CGNL1: variants seen among roughly 807,000 people sequenced by gnomAD.
The protein encoded by CGNL1 is cingulin like 1.
A neutral mutation model predicts 141.2 loss-of-function variants in CGNL1; 132 were observed. The ratio of observed to expected loss-of-function variants is 0.93; its 90% CI spans 0.81 to 1.08. The LOEUF is 1.08. CGNL1 is among the 50% of genes least tolerant of loss of function. CGNL1 has a pLI of 0.00. For synonymous variants in CGNL1, 690 were observed against 622.1 expected (o/e 1.11, Z -1.63); for missense variants, 1,870 against 1,588.6 (o/e 1.18, Z -3.01).
chr15:57,543,648 A>G, intron 14 of CGNL1, 48 bp from the exon 15 acceptor site: 1 of 1,498,412 alleles, frequency 6.7e-7, no homozygotes, highest in Non-Finnish European at 9.3e-7. Flanking sequence ...TACAAAAGAT[A>G]CAGGAACAGT....
At chr15:57,527,109 A>G (rs1355145474) in intron 12 of CGNL1, 4 of 152,108 alleles carry the variant, frequency 2.6e-5, no homozygotes, top group Non-Finnish European at 4.4e-5. Context: ...GTATCCAGAA[A>G]ATGTCCCATC....
chr15:57,376,939 A>T (rs1369766941), intron 1 of CGNL1: 1 of 152,202 alleles, frequency 6.6e-6, no homozygotes, highest in Non-Finnish European at 1.5e-5. Flanking sequence ...GGAGAGACTC[A>T]CACGAAGCAG....
chr15:57,517,216 A>C (rs1434368356), intron 9 of CGNL1, among the ~76,000 whole-genome samples: 3 of 152,194 alleles, frequency 2.0e-5, no homozygotes, highest in African/African-American at 7.2e-5. Flanking sequence ...AGGTCTAGGC[A>C]CAGGAATCCC....
At chr15:57,443,373 C>G (rs2152312584) in intron 4 of CGNL1, among the ~76,000 whole-genome samples, 1 of 152,214 alleles carries the variant, frequency 6.6e-6, no homozygotes, top group East Asian at 1.9e-4. Context: ...CCTCAATCTT[C>G]CACCGCCTTG....
At chr15:57,546,305 C>G in intron 18 of CGNL1, 66 bp downstream of exon 18, 1 of 1,474,986 alleles carries the variant, frequency 6.8e-7, no homozygotes, top group Non-Finnish European at 9.1e-7. Flanking sequence ...GCTCTGCTTT[C>G]AGAGCATTCA....
intron 1 of CGNL1, among the ~76,000 whole-genome samples, chr15:57,377,588 C>G (rs1219013188): frequency 1.3e-5 from 2 of 152,206 alleles, no homozygotes; most frequent in Non-Finnish European, 2.9e-5. Flanking sequence ...ATCCACCTCT[C>G]CACCTGAAGA....
At position 57,517,056 on chromosome 15, in the gene CGNL1, A is replaced by G. The variant is rs16977563; in HGVS notation, c.2610+70A>G. 12,311 of 1,430,808 alleles carry G rather than the reference A, an allele frequency of 8.6e-3. 919 individuals carry two copies. In the African/African-American group the frequency reaches 0.15, roughly 18 times the overall value. 88.6% of individuals were successfully genotyped at this position (1,430,808 alleles called of 1,614,324 possible). ...CTTCTTTCCTGTGTAAGTGATTTCA[A>G]AAGTGGGGAAGGGATTTATTGTCAT... On this transcript the variant is annotated intron_variant, in intron 9 of 18. Coordinates refer to ENST00000281282, the MANE Select transcript of CGNL1 (RefSeq NM_032866.5).
chr15:57,394,697 C>T (rs555962408), intron 1 of CGNL1, among the ~76,000 whole-genome samples: 3 of 152,226 alleles, frequency 2.0e-5, no homozygotes, highest in Non-Finnish European at 2.9e-5. Flanking sequence ...ATTTCTGACC[C>T]TGCTTAGTGT....
intron 1 of CGNL1, among the ~76,000 whole-genome samples, chr15:57,383,292 C>CTT (rs59213732): frequency 2.6e-4 from 29 of 109,564 alleles, no homozygotes; most frequent in African/African-American, 4.0e-4. Flanking sequence ...TTCTTTCTTC[C>CTT]TTTTTTTTTT....
chr15:57,400,887 T>TAAA (rs35735890), intron 1 of CGNL1, among the ~76,000 whole-genome samples: 43 of 77,902 alleles, frequency 5.5e-4, no homozygotes, highest in African/African-American at 1.7e-3. Context: ...TGTCTCAAAT[T>TAAA]AAAAAAAAAA....
intron 4 of CGNL1, among the ~76,000 whole-genome samples, chr15:57,449,417 A>G (rs561647954): frequency 6.3e-4 from 96 of 152,280 alleles, no homozygotes; most frequent in Non-Finnish European, 1.1e-3. Flanking sequence ...TTTTCAGAAT[A>G]GTTTTAGGTT....
At chr15:57,436,636 G>A (rs373846345) in intron 1 of CGNL1, among the ~76,000 whole-genome samples, 6 of 152,072 alleles carry the variant, frequency 3.9e-5, no homozygotes, top group South Asian at 2.1e-4. Flanking sequence ...AACAAGTAAA[G>A]CGTCCAAGTC....
intron 14 of CGNL1, among the ~76,000 whole-genome samples, chr15:57,539,459 C>T (rs2032443501): frequency 6.6e-6 from 1 of 152,196 alleles, no homozygotes; most frequent in Non-Finnish European, 1.5e-5. Flanking sequence ...TCTGTGGCTT[C>T]TCATTGACAC....
chr15:57,422,253 CACA>C (rs2062924293), intron 1 of CGNL1, among the ~76,000 whole-genome samples: 1 of 149,094 alleles, frequency 6.7e-6, no homozygotes, highest in Admixed American at 6.7e-5. Flanking sequence ...TGTTTCATTT[CACA>C]ACCTGGCACT....
intron 7 of CGNL1, among the ~76,000 whole-genome samples, chr15:57,454,531 T>A (rs1318531505): frequency 6.6e-6 from 1 of 152,144 alleles, no homozygotes; most frequent in African/African-American, 2.4e-5. Flanking sequence ...TAGGTCCTAC[T>A]TTTTAGAACT....
At chr15:57,468,630 G>A (rs2063541862) in intron 8 of CGNL1, among the ~76,000 whole-genome samples, 1 of 152,022 alleles carries the variant, frequency 6.6e-6, no homozygotes, top group South Asian at 2.1e-4. Flanking sequence ...GGAAAGGTGG[G>A]GTGGGGTGAG....
In CGNL1 at chr15:57,442,470, A is replaced by C; in HGVS notation, c.1795A>C (p.Asn599His). The C allele has an allele frequency of 6.2e-7, 1 of 1,602,784 alleles. No individual in the cohort carries two copies. Among genetic ancestry groups the C allele is most frequent in the Non-Finnish European group, 8.5e-7 (1 of 1,169,958 alleles). The change falls in exon 4 of 19, where the codon AAT becomes CAT. Residue 599 changes from asparagine (N) to histidine (H), a missense_variant. By Grantham distance (68) the Asn-to-His change is moderately conservative (BLOSUM62 1). Coordinates refer to ENST00000281282, the MANE Select transcript of CGNL1 (RefSeq NM_032866.5). ...TCGAGCAGCTGGGAGCGCCCAAGGA[A>C]ATAACCAAGTAAATGGAAGTTTTGT... ...KSRAAGSAQGNNQACNSTSEV... is the reference protein window; with the variant it reads ...KSRAAGSAQGHNQACNSTSEV...
chr15:57,468,109 G>A (rs1449258821), intron 8 of CGNL1, among the ~76,000 whole-genome samples: 1 of 152,144 alleles, frequency 6.6e-6, no homozygotes, highest in African/African-American at 2.4e-5. Flanking sequence ...GATCAGCCAT[G>A]CATTGGTGTG....
At chr15:57,419,395 T>C (rs1218438198) in intron 1 of CGNL1, among the ~76,000 whole-genome samples, 2 of 152,240 alleles carry the variant, frequency 1.3e-5, no homozygotes, top group Non-Finnish European at 2.9e-5. Flanking sequence ...TAAATTATTA[T>C]TAGCTAGAGT....
Sources: gnomAD v4.1 joint callset for allele counts (sites outside exome capture counted in the v4.1 genomes callset) on GRCh38, gnomAD v4.1.1 for gene constraint, MANE v1.5 for transcripts, NCBI Gene and HGNC (gene_info 2026-07-23, HGNC 2026-07-21) for gene names.